Variants in RYR2 observed in about 807,000 individuals in gnomAD.
RYR2 encodes the protein cardiac muscle ryanodine receptor-calcium release channel.
Under a neutral mutation model 601.1 loss-of-function variants are expected in RYR2, and 227 were observed. The observed-to-expected ratio is 0.38, with a 90% confidence interval of 0.34 to 0.42. The LOEUF (loss-of-function observed/expected upper bound fraction) is 0.42, where lower values mean the gene tolerates loss of function less well. RYR2 is among the 10% of genes least tolerant of loss of function. The pLI, the probability that RYR2 is intolerant of heterozygous loss-of-function variation, is 1.00. For synonymous variants in RYR2, 2,223 were observed against 2,175.1 expected (o/e 1.02, Z -0.61); for missense variants, 4,646 against 6,156.5 (o/e 0.75, Z 8.21).
At chr1:237,122,447 C>T (rs564888451) in intron 1 of RYR2, among the ~76,000 whole-genome samples, 11 of 152,100 alleles carry the variant, frequency 7.2e-5, no homozygotes, top group East Asian at 5.8e-4. Flanking sequence ...CTTGGGAGGT[C>T]GAGGCGGGGG....
At chr1:237,438,066 A>T (rs1012105847) in intron 12 of RYR2, among the ~76,000 whole-genome samples, 1 of 152,154 alleles carries the variant, frequency 6.6e-6, no homozygotes, top group Non-Finnish European at 1.5e-5. Flanking sequence ...TTTTAATTTC[A>T]TTAACTCTTT....
intron 88 of RYR2, 55 bp downstream of exon 88, chr1:237,778,825 C>T: frequency 1.2e-6 from 1 of 842,176 alleles, no homozygotes; most frequent in Admixed American, 1.8e-5. Flanking sequence ...AGACTGTAAT[C>T]ATCAGCAAAT....
At position 237,833,416 on chromosome 1, in the gene RYR2, ATTGCAAC is replaced by A. The variant is rs1664045126; in HGVS notation, c.*772_*778del. 1 of 137,812 alleles carries A rather than the reference ATTGCAAC, an allele frequency of 7.3e-6. No individual in the cohort carries two copies. The highest frequency in any genetic ancestry group is 2.4e-4 in the South Asian group (1 of 4,206). The allele number at this position is 137,812 out of a possible 1,614,324, so 8.5% of individuals were successfully genotyped here. A position where few individuals can be genotyped will look rare whatever the true frequency, so the allele number is the denominator to read the frequency against. The stretch of plus-strand genomic sequence containing the variant: ...TATTTTGGTAATGCTCTGATGCAAC[ATTGCAAC>A]TTTATGAAATCTTTGTATGAAAACA... On this transcript the variant is annotated 3_prime_UTR_variant, in exon 105 of 105. Transcript: ENST00000366574.
chr1:237,710,377 GT>G (rs1688728457), intron 70 of RYR2, among the ~76,000 whole-genome samples: 1 of 152,030 alleles, frequency 6.6e-6, no homozygotes, highest in Non-Finnish European at 1.5e-5. Flanking sequence ...TCAGACTGTT[GT>G]ACAAATCAAG....
intron 5 of RYR2, among the ~76,000 whole-genome samples, chr1:237,364,941 T>C (rs1393606562): frequency 6.6e-6 from 1 of 152,040 alleles, no homozygotes; most frequent in Non-Finnish European, 1.5e-5. Flanking sequence ...CTCAACTAAA[T>C]TGGAAAAGTG....
rs548913732 is a variant in RYR2, at chr1:237,514,383, T to C, written c.2822+2592T>C. ...TGCTGGTGGCTGATTTGGTTAATCT[T>C]CAGACTGCACGTACTGTGGTTTTAT... is the stretch of plus-strand genomic sequence containing the variant. On this transcript the variant is annotated intron_variant, in intron 24 of 104. Coordinates refer to ENST00000366574, the MANE Select transcript of RYR2 (RefSeq NM_001035.3). Among the ~76,000 whole-genome samples the C allele has an allele frequency of 3.0e-4, 45 of 152,342 alleles. 1 individual carries two copies. In the East Asian group the frequency reaches 7.7e-3, roughly 26 times the overall value.
chr1:237,176,041 G>A (rs764488065), intron 1 of RYR2, among the ~76,000 whole-genome samples: 6 of 151,886 alleles, frequency 4.0e-5, no homozygotes, highest in Non-Finnish European at 8.8e-5. Context: ...AGGCCAGCCT[G>A]GGCAACATAG....
At chr1:237,404,135 T>C (rs1338184016) in intron 10 of RYR2, among the ~76,000 whole-genome samples, 2 of 152,102 alleles carry the variant, frequency 1.3e-5, no homozygotes, top group African/African-American at 4.8e-5. Flanking sequence ...GCACCTGTAG[T>C]TCTACATAAT....
At chr1:237,143,764 C>T (rs930974281) in intron 1 of RYR2, among the ~76,000 whole-genome samples, 19 of 152,102 alleles carry the variant, frequency 1.2e-4, no homozygotes, top group South Asian at 2.1e-4. Context: ...AACTCAAATA[C>T]CCCCTGTCTG....
At chr1:237,652,696 C>A (rs1255465417) in intron 51 of RYR2, among the ~76,000 whole-genome samples, 1 of 151,986 alleles carries the variant, frequency 6.6e-6, no homozygotes, top group Non-Finnish European at 1.5e-5. Context: ...TTCAATAGTC[C>A]TTGTCTTGCA....
intron 2 of RYR2, among the ~76,000 whole-genome samples, chr1:237,284,310 G>A (rs1451604011): frequency 6.6e-6 from 1 of 151,068 alleles, no homozygotes; most frequent in Non-Finnish European, 1.5e-5. Flanking sequence ...GAACTGGGAG[G>A]CGGACGTTGC....
At chr1:237,587,533 A>G (rs1054306397) in intron 29 of RYR2, among the ~76,000 whole-genome samples, 11 of 152,076 alleles carry the variant, frequency 7.2e-5, no homozygotes, top group African/African-American at 2.7e-4. Context: ...ACCATATGTT[A>G]TCTTTCTTTC....
chr1:237,297,742 G>T (rs1175567461), intron 2 of RYR2, among the ~76,000 whole-genome samples: 1 of 151,264 alleles, frequency 6.6e-6, no homozygotes, highest in Non-Finnish European at 1.5e-5. Flanking sequence ...AAAGGCCATG[G>T]TTTGTGTTGA....
chr1:237,500,704 C>G lies in RYR2; in HGVS notation c.2204-7C>G, dbSNP rs147479514. ...CATGACCTTCCTTAATGTTTTCCCCCCAATAGGTTGTATTGCTCGTACTGT... is the reference window on the plus strand; with the variant it reads ...CATGACCTTCCTTAATGTTTTCCCCGCAATAGGTTGTATTGCTCGTACTGT... On this transcript the variant is annotated splice_region_variant and splice_polypyrimidine_tract_variant and intron_variant, in intron 20 of 104. Transcript: ENST00000366574. 0.011 allele frequency: 17,528 copies of G among 1,589,644 alleles called. 136 individuals are homozygous for G. Among genetic ancestry groups the G allele is most frequent in the Non-Finnish European group, 0.012 (14,190 of 1,164,222 alleles).
intron 1 of RYR2, among the ~76,000 whole-genome samples, chr1:237,202,609 T>C (rs984130562): frequency 2.6e-5 from 4 of 152,168 alleles, no homozygotes; most frequent in Admixed American, 2.0e-4. Flanking sequence ...GGTTTTGCTA[T>C]GTTGGCTAGG....
intron 10 of RYR2, among the ~76,000 whole-genome samples, chr1:237,415,177 G>A (rs1704846874): frequency 6.6e-6 from 1 of 152,122 alleles, no homozygotes; most frequent in South Asian, 2.1e-4. Context: ...CCAAGGCTTG[G>A]CTTCCCATTG....
In RYR2 at chr1:237,828,406, A is replaced by G; in HGVS notation, c.14616A>G (p.Glu4872=). The G allele has an allele frequency of 6.4e-7, 1 of 1,566,384 alleles. No individual in the cohort carries two copies. Among genetic ancestry groups the G allele is most frequent in the Non-Finnish European group, 8.7e-7 (1 of 1,153,310 alleles). The part of the protein sequence containing the change: ...IQGLIIDAFG[E]LRDQQEQVKE... ...GTCTAATTATTGATGCTTTTGGAGA[A>G]CTAAGAGACCAACAGGAACAAGTCA... The change falls in exon 102 of 105, where the codon GAA becomes GAG. Residue 4872 remains glutamate, a synonymous_variant. Coordinates refer to ENST00000366574, the MANE Select transcript of RYR2 (RefSeq NM_001035.3).
intron 8 of RYR2, among the ~76,000 whole-genome samples, chr1:237,379,201 A>G (rs778917344): frequency 6.6e-6 from 1 of 152,182 alleles, no homozygotes; most frequent in Non-Finnish European, 1.5e-5. Flanking sequence ...AGATTTTGAC[A>G]TAACTATGAA....
In RYR2 at chr1:237,121,380, AAGAG is replaced by A. The variant is rs540971699; in HGVS notation, c.48+78816_48+78819del. 6.6e-5 allele frequency among the ~76,000 whole-genome samples: 10 copies of A among 152,162 alleles called. 1 individual carries two copies. The highest frequency in any genetic ancestry group is 1.5e-4 in the Non-Finnish European group (10 of 68,036). On this transcript the variant is annotated intron_variant, in intron 1 of 104. Coordinates refer to ENST00000366574, the MANE Select transcript of RYR2 (RefSeq NM_001035.3). ...CAAAAAATTCTTCCATTCAGATAAA[AAGAG>A]AGAGCACTCAACTCCTTTTACCTCC...
Sources: gnomAD v4.1 joint callset for allele counts (sites outside exome capture counted in the v4.1 genomes callset) on GRCh38, gnomAD v4.1.1 for gene constraint, MANE v1.5 for transcripts, NCBI Gene and HGNC (gene_info 2026-07-23, HGNC 2026-07-21) for gene names.